SEC23B: variants seen among roughly 807,000 people sequenced by gnomAD.
The protein encoded by SEC23B is SEC23 homolog B, COPII component, also known as protein transport protein Sec23B.
SEC23B carries 77 observed loss-of-function variants against 104.3 expected under a neutral mutation model. That is an observed-to-expected ratio of 0.74 (90% confidence interval 0.61 to 0.89). SEC23B has a LOEUF of 0.89. Ranked by LOEUF, SEC23B falls within the 40% of genes least tolerant of loss-of-function variation. SEC23B has a pLI of 0.00. For missense variants in SEC23B, 885 were observed against 949.4 expected (o/e 0.93, Z 0.89); for synonymous variants, 338 against 332.5 (o/e 1.02, Z -0.18).
intron 9 of SEC23B, among the ~76,000 whole-genome samples, chr20:18,528,651 C>T (rs1410893973): frequency 6.6e-6 from 1 of 152,192 alleles, no homozygotes; most frequent in Non-Finnish European, 1.5e-5. Context: ...TCCTAGAGAG[C>T]AGCAGATGAG....
intron 17 of SEC23B, among the ~76,000 whole-genome samples, chr20:18,552,818 A>T (rs2060400815): frequency 6.6e-6 from 1 of 152,224 alleles, no homozygotes; most frequent in African/African-American, 2.4e-5. Context: ...TGTCTCAAAA[A>T]ACAAAACCAA....
chr20:18,560,669 C>T lies in SEC23B; in HGVS notation c.2233C>T (p.Leu745=), dbSNP rs966956239. ...AWGQETGAPI[L]TDDVSLQVFM... The stretch of plus-strand genomic sequence containing the variant: ...ATTTCAGGAAACTGGAGCACCCATC[C>T]TAACTGATGATGTTAGCCTGCAGGT... The change falls in exon 20 of 20, where the codon CTA becomes TTA. Residue 745 remains leucine (L), a synonymous_variant. Coordinates refer to ENST00000650089, the MANE Select transcript of SEC23B (RefSeq NM_006363.6). 6.2e-7 allele frequency: 1 copy of T among 1,613,884 alleles called. No homozygotes were observed. The highest frequency in any genetic ancestry group is 1.7e-5 in the Admixed American group (1 of 60,004).
At chr20:18,524,887 CTT>C (rs761537668) in intron 5 of SEC23B, 46 bp from the exon 6 acceptor site, 5 of 1,591,972 alleles carry the variant, frequency 3.1e-6, no homozygotes. Context: ...TAGTCATTCA[CTT>C]TTAGTGTCAT....
intron 18 of SEC23B, among the ~76,000 whole-genome samples, 176 bp downstream of exon 18, chr20:18,554,566 A>C (rs1038355281): frequency 2.0e-5 from 3 of 152,132 alleles, no homozygotes; most frequent in Non-Finnish European, 2.9e-5. Flanking sequence ...GGTGGCTCAC[A>C]CCTGTAATCC....
Position 18,508,203 on chromosome 20 carries a change from C to T in SEC23B, c.-15+231C>T, listed in dbSNP as rs548221718. 2.0e-5 allele frequency: 3 copies of T among 152,356 alleles called. No individual in the cohort carries two copies. The South Asian group carries it at 6.2e-4, about 32-fold the overall frequency. 9.4% of individuals were successfully genotyped at this position (152,356 alleles called of 1,614,324 possible). On this transcript the variant is annotated intron_variant, in intron 1 of 19. Transcript: ENST00000650089. ...CCCCAGAATTGCGGAGTGCGCACACCTGGAAGGACCCAAGTCCCGTTTTAT... is the reference window on the plus strand; with the variant it reads ...CCCCAGAATTGCGGAGTGCGCACACTTGGAAGGACCCAAGTCCCGTTTTAT...
At chr20:18,533,654 C>T (rs1029600979) in intron 11 of SEC23B, among the ~76,000 whole-genome samples, 3 of 152,138 alleles carry the variant, frequency 2.0e-5, no homozygotes, top group Non-Finnish European at 4.4e-5. Flanking sequence ...CAGCAACAAA[C>T]GTTCTTGGGT....
At chr20:18,520,407 G>T (rs969824968) in intron 4 of SEC23B, among the ~76,000 whole-genome samples, 1 of 76,182 alleles carries the variant, frequency 1.3e-5, no homozygotes, top group African/African-American at 3.3e-5. Flanking sequence ...GTGATCGGTT[G>T]CCAGAGAGAG....
In SEC23B at chr20:18,524,688, C is replaced by A; in HGVS notation, c.603+19C>A. 1 of 1,591,508 alleles carries A rather than the reference C, an allele frequency of 6.3e-7. No individual in the cohort carries two copies. Among genetic ancestry groups the A allele is most frequent in the Non-Finnish European group, 8.6e-7 (1 of 1,160,900 alleles). ...AATACAGGTTTGTACCTTACTTGTACAGGAGCAGAAACAAGGACTTTTTTT... is the reference window on the plus strand; with the variant it reads ...AATACAGGTTTGTACCTTACTTGTAAAGGAGCAGAAACAAGGACTTTTTTT... On this transcript the variant is annotated intron_variant, in intron 5 of 19. Transcript: ENST00000650089.
rs1207095682 is a variant in SEC23B at position 18,546,022 on chromosome 20, C to G, written c.1732C>G (p.Leu578Val). The change falls in exon 15 of 20, where the codon CTA (leucine) becomes GTA (valine). Residue 578 changes from leucine to valine, a missense_variant. Leu to Val is a conservative substitution (Grantham distance 32). Transcript: ENST00000650089. ...TTTTAGGTTATCAGATTCCTTTTCTCTATATCCTCAGGTAAGTAATGTATG... is the reference window on the plus strand; with the variant it reads ...TTTTAGGTTATCAGATTCCTTTTCTGTATATCCTCAGGTAAGTAATGTATG... ...TSFRLSDSFS[L>V]YPQFMFHLRR... is the part of the protein sequence containing the mutation. The G allele has an allele frequency of 1.3e-6, 2 of 1,540,002 alleles. No individual in the cohort carries two copies. The highest frequency in any genetic ancestry group is 2.7e-5 in the African/African-American group (2 of 73,424).
rs1208510790 is a variant in SEC23B at position 18,524,664 on chromosome 20, A to G, written c.598A>G (p.Ile200Val). 4 of 1,611,784 alleles carry G rather than the reference A, an allele frequency of 2.5e-6. No homozygotes were observed. The highest frequency in any genetic ancestry group is 2.2e-5 in the South Asian group (2 of 91,038). ...RGTKDLTAKQ[I>V]QDMLGLTKPA... ...GACCAAGGATTTAACTGCAAAGCAA[A>G]TACAGGTTTGTACCTTACTTGTACA... Residue 200 changes from isoleucine (I) to valine (V), a missense_variant, in exon 5 of 20, where the codon ATA becomes GTA. By Grantham distance (29) the Ile-to-Val change is conservative (BLOSUM62 3). Coordinates refer to ENST00000650089, the MANE Select transcript of SEC23B (RefSeq NM_006363.6).
intron 1 of SEC23B, chr20:18,509,524 A>C (rs2059962506): frequency 6.6e-6 from 1 of 152,174 alleles, no homozygotes; most frequent in Non-Finnish European, 1.5e-5. Flanking sequence ...AGGATGTATA[A>C]ATACTCAATG....
intron 19 of SEC23B, among the ~76,000 whole-genome samples, chr20:18,559,084 G>A (rs926244368): frequency 2.0e-5 from 3 of 151,268 alleles, no homozygotes; most frequent in African/African-American, 7.3e-5. Context: ...GGTTGGTGGG[G>A]GGGGTGTCGG....
chr20:18,549,483 G>T (rs2060365674), intron 16 of SEC23B, among the ~76,000 whole-genome samples: 1 of 151,838 alleles, frequency 6.6e-6, no homozygotes, highest in Non-Finnish European at 1.5e-5. Context: ...TCCAAGATTG[G>T]TTGAATTTAT....
At chr20:18,539,558 T>A (rs1372554110) in intron 12 of SEC23B, among the ~76,000 whole-genome samples, 3 of 148,224 alleles carry the variant, frequency 2.0e-5, no homozygotes, top group Non-Finnish European at 3.0e-5. Flanking sequence ...TTGCCCAGAC[T>A]GGTCTCAAAC....
At position 18,543,029 on chromosome 20, in the gene SEC23B, G is replaced by T. The variant is rs773819343; in HGVS notation, c.1522G>T (p.Val508Leu). Residue 508 changes from valine to leucine, a missense_variant, in exon 14 of 20, where the codon GTA becomes TTA. Val to Leu is a conservative substitution (Grantham distance 32, BLOSUM62 1). Coordinates refer to ENST00000650089, the MANE Select transcript of SEC23B (RefSeq NM_006363.6). Reference protein sequence around the residue: ...VTTIARNWADVQSQLRHIEAA... With the variant: ...VTTIARNWADLQSQLRHIEAA... ...CTCTGGAATTGTCAGTTGGGCAGATGTACAGAGTCAGCTCAGGCACATAGA... is the reference window on the plus strand; with the variant it reads ...CTCTGGAATTGTCAGTTGGGCAGATTTACAGAGTCAGCTCAGGCACATAGA... 6.2e-7 allele frequency: 1 copy of T among 1,614,166 alleles called. No individual in the cohort carries two copies. Among genetic ancestry groups the T allele is most frequent in the Non-Finnish European group, 8.5e-7 (1 of 1,180,028 alleles).
chr20:18,548,642 C>T lies in SEC23B; in HGVS notation c.1777C>T (p.Gln593Ter). The T allele has an allele frequency of 5.0e-6, 8 of 1,614,104 alleles. No homozygotes were observed. Among genetic ancestry groups the T allele is most frequent in the Non-Finnish European group, 6.8e-6 (8 of 1,179,972 alleles). ...MFHLRRSPFL[Q>*]VFNNSPDESS... ...CCATCTGAGAAGATCTCCATTTCTT[C>T]AAGTGTTTAACAACAGTCCTGATGA... Residue 593 changes from glutamine to a stop codon, truncating the protein, a stop_gained, in exon 16 of 20, where the codon CAA (glutamine) becomes TAA (stop). Transcript: ENST00000650089. LOFTEE classifies it high-confidence loss of function.
At chr20:18,558,638 A>G (rs778342262) in intron 19 of SEC23B, among the ~76,000 whole-genome samples, 5 of 151,976 alleles carry the variant, frequency 3.3e-5, no homozygotes, top group South Asian at 2.1e-4. Flanking sequence ...TTGTCTTCCA[A>G]TGTATTGATT....
chr20:18,530,827 T>TA, intron 10 of SEC23B, 24 bp downstream of exon 10: 2 of 1,573,800 alleles, frequency 1.3e-6, no homozygotes, highest in Non-Finnish European at 8.7e-7. Flanking sequence ...TTTTTTTTTT[T>TA]TATGTGGACT....
chr20:18,531,180 C>T (rs1335710465), intron 10 of SEC23B, among the ~76,000 whole-genome samples: 4 of 152,160 alleles, frequency 2.6e-5, no homozygotes, highest in Non-Finnish European at 5.9e-5. Flanking sequence ...TCTGCTCCAC[C>T]CTGCTTCAAG....
Sources: gnomAD v4.1 joint callset for allele counts (sites outside exome capture counted in the v4.1 genomes callset) on GRCh38, gnomAD v4.1.1 for gene constraint, MANE v1.5 for transcripts, NCBI Gene and HGNC (gene_info 2026-07-23, HGNC 2026-07-21) for gene names.